The following TTYH3 variants were observed in gnomAD, a reference collection of about 807,000 sequenced individuals.
TTYH3 encodes protein tweety homolog 3.
In TTYH3, 23 loss-of-function variants were observed where a neutral mutation model predicts 68.2. The observed-to-expected ratio is 0.34, with a 90% CI of 0.24 to 0.48. The LOEUF (loss-of-function observed/expected upper bound fraction) is 0.48, where lower values mean the gene tolerates loss of function less well. Ranked by LOEUF, TTYH3 falls within the 20% of genes least tolerant of loss-of-function variation. The pLI, the probability that TTYH3 is intolerant of heterozygous loss-of-function variation, is 0.99. For synonymous variants in TTYH3, 360 were observed against 332.8 expected (o/e 1.08, Z -0.89); for missense variants, 768 against 727.7 (o/e 1.06, Z -0.64).
chr7:2,636,287 G>T (rs1009306908), intron 1 of TTYH3, among the ~76,000 whole-genome samples: 2 of 152,314 alleles, frequency 1.3e-5, no homozygotes, highest in Middle Eastern at 3.4e-3. Context: ...AGTGTTGGTC[G>T]CCTGTCGCCT....
intron 2 of TTYH3, 44 bp downstream of exon 2, chr7:2,647,066 C>A: frequency 2.3e-6 from 2 of 864,734 alleles, no homozygotes; most frequent in Non-Finnish European, 1.7e-6. Context: ...CCAGAGGGGG[C>A]GGCCCGAGGG....
chr7:2,633,103 C>T (rs561385855), intron 1 of TTYH3, among the ~76,000 whole-genome samples: 6 of 152,174 alleles, frequency 3.9e-5, no homozygotes, highest in African/African-American at 7.2e-5. Context: ...CCACCCCCAT[C>T]GCCAAGCTAC....
chr7:2,661,060 T>C (rs916117968), intron 13 of TTYH3, among the ~76,000 whole-genome samples: 2 of 67,260 alleles, frequency 3.0e-5, no homozygotes, highest in African/African-American at 1.3e-4. Context: ...GAGCCCACAG[T>C]TGGGTCCCCC....
At chr7:2,640,321 G>A (rs1330234107) in intron 1 of TTYH3, among the ~76,000 whole-genome samples, 6 of 152,238 alleles carry the variant, frequency 3.9e-5, no homozygotes, top group Non-Finnish European at 8.8e-5. Context: ...GCACAGAGCG[G>A]CGTGTGGGTC....
rs374425804 is a variant in TTYH3 at position 2,648,164 on chromosome 7, G to T, written c.722+110G>T. 5.2e-5 allele frequency: 55 copies of T among 1,062,468 alleles called. No homozygotes were observed. In the African/African-American group the frequency reaches 5.6e-4, roughly 11 times the overall value. The allele number at this position is 1,062,468 out of a possible 1,614,324, so 65.8% of individuals were successfully genotyped here. A position where few individuals can be genotyped will look rare whatever the true frequency, so the allele number is the denominator to read the frequency against. ...TGCAGATCCTAGCCACAAGCTCTGC[G>T]GTGGGGGCTGAGCGGGACCCCCCTG... On this transcript the variant is annotated intron_variant, in intron 5 of 13. Transcript: ENST00000258796.
intron 5 of TTYH3, among the ~76,000 whole-genome samples, chr7:2,648,868 C>T (rs1786075907): frequency 7.1e-6 from 1 of 140,244 alleles, no homozygotes; most frequent in African/African-American, 2.7e-5. Flanking sequence ...TGACAGTGTG[C>T]AGTGGGTTGT....
At position 2,645,525 on chromosome 7, in the gene TTYH3, G is replaced by C. The variant is rs989160437; in HGVS notation, c.124-1328G>C. On this transcript the variant is annotated intron_variant, in intron 1 of 13. Coordinates refer to ENST00000258796, the MANE Select transcript of TTYH3 (RefSeq NM_025250.3). The surrounding 1 kb of genome is among the most constrained non-coding windows in gnomAD (Gnocchi z 4.8). ...AGGGGAGCTCTGGTGTCTGTTCTGT[G>C]GTCTGTCTTTTGTGTTCAGAGACCT... 1 of 278,368 alleles carries C rather than the reference G, an allele frequency of 3.6e-6. No individual in the cohort carries two copies. Among genetic ancestry groups the C allele is most frequent in the African/African-American group, 2.2e-5 (1 of 45,368 alleles). The allele number at this position is 278,368 out of a possible 1,614,324, so 17.2% of individuals were successfully genotyped here. A position where few individuals can be genotyped will look rare whatever the true frequency, so the allele number is the denominator to read the frequency against.
chr7:2,640,184 C>T (rs1297497154), intron 1 of TTYH3, among the ~76,000 whole-genome samples: 3 of 152,036 alleles, frequency 2.0e-5, no homozygotes, highest in Non-Finnish European at 4.4e-5. Context: ...GGATCGTGGC[C>T]ACTGCCTGTG....
At chr7:2,660,819 C>T (rs1043467255) in intron 13 of TTYH3, among the ~76,000 whole-genome samples, 4 of 152,212 alleles carry the variant, frequency 2.6e-5, no homozygotes, top group Admixed American at 6.5e-5. Flanking sequence ...CTCACTGCCG[C>T]CGGCCCCTGA....
At chr7:2,649,496 G>A (rs1786099944) in intron 5 of TTYH3, 71 bp from the exon 6 acceptor site, 4 of 1,466,146 alleles carry the variant, frequency 2.7e-6, no homozygotes, top group East Asian at 4.9e-5. Flanking sequence ...CTGCCTTCTG[G>A]CCTGCAGCCC....
At chr7:2,654,439 A>G (rs578088286) in intron 9 of TTYH3, among the ~76,000 whole-genome samples, 2 of 151,810 alleles carry the variant, frequency 1.3e-5, no homozygotes, top group South Asian at 2.1e-4. Flanking sequence ...TATATAACAT[A>G]TATACACACA....
intron 12 of TTYH3, 120 bp from the exon 13 acceptor site, chr7:2,658,820 C>A: frequency 1.0e-6 from 1 of 958,848 alleles, no homozygotes; most frequent in Non-Finnish European, 1.6e-6. Flanking sequence ...GTTCGTGGGA[C>A]CCCCAGTGAG....
intron 1 of TTYH3, among the ~76,000 whole-genome samples, chr7:2,633,226 T>C (rs1239985287): frequency 1.3e-5 from 2 of 152,178 alleles, no homozygotes; most frequent in Admixed American, 1.3e-4. Flanking sequence ...AGTTTCTCTC[T>C]GGACGGATCA....
chr7:2,656,436 C>T lies in TTYH3; in HGVS notation c.1152C>T (p.Gly384=), dbSNP rs750106931. Residue 384 remains glycine, a synonymous_variant, in exon 11 of 14, where the codon GGC becomes GGT. Transcript: ENST00000258796. The part of the protein sequence containing the change: ...VQALTGFCYD[G]VEGLIYLALF... ...CGCTGACCGGCTTCTGCTATGACGG[C>T]GTGGAGGGCCTCATCTACCTGGCCC... 6.2e-6 allele frequency: 10 copies of T among 1,611,798 alleles called. No homozygotes were observed. The highest frequency in any genetic ancestry group is 2.2e-5 in the East Asian group (1 of 44,846).
chr7:2,658,307 G>A lies in TTYH3; in HGVS notation c.1272G>A (p.Glu424=). The change falls in exon 12 of 14, where the codon GAG becomes GAA. Residue 424 remains glutamate (E), a synonymous_variant. Transcript: ENST00000258796. ...ACAGAGGCCCTGATGAGGACGGGGAGGAGGAGGCCGCTCCAGGGCCGCGGC... is the reference window on the plus strand; with the variant it reads ...ACAGAGGCCCTGATGAGGACGGGGAAGAGGAGGCCGCTCCAGGGCCGCGGC... ...QQKRGPDEDG[E]EEAAPGPRQA... 6.3e-7 allele frequency: 1 copy of A among 1,594,390 alleles called. No individual in the cohort carries two copies. The highest frequency in any genetic ancestry group is 8.5e-7 in the Non-Finnish European group (1 of 1,170,250).
In TTYH3 at chr7:2,647,000, A is replaced by G. The variant is rs373790518; in HGVS notation, c.271A>G (p.Ile91Val). The change falls in exon 2 of 14, where the codon ATC becomes GTC. Residue 91 changes from isoleucine to valine, a missense_variant. By Grantham distance (29) the Ile-to-Val change is conservative. Transcript: ENST00000258796. ...ADCCCTAWCV[I>V]IATLVCSAGI... ...CTGCTGCTGCACGGCCTGGTGTGTC[A>G]TCATCGCCACGCTGGTGTGCAGGTG... 20 of 1,581,880 alleles carry G rather than the reference A, an allele frequency of 1.3e-5. No homozygotes were observed. The highest frequency in any genetic ancestry group is 6.8e-5 in the East Asian group (3 of 43,884).
In TTYH3 at chr7:2,662,091, G is replaced by A. The variant is rs1332950333; in HGVS notation, c.*352G>A. ...TTGCCGCCCGGCCCTTCCCTCCACAGCTCTCCTTCCTCCCGCCCGGCACTT... is the reference window on the plus strand; with the variant it reads ...TTGCCGCCCGGCCCTTCCCTCCACAACTCTCCTTCCTCCCGCCCGGCACTT... On this transcript the variant is annotated 3_prime_UTR_variant, in exon 14 of 14. Transcript: ENST00000258796. 4 of 475,688 alleles carry A rather than the reference G, an allele frequency of 8.4e-6. No individual in the cohort carries two copies. Among genetic ancestry groups the A allele is most frequent in the African/African-American group, 2.0e-5 (1 of 49,754 alleles). 29.5% of individuals were successfully genotyped at this position (475,688 alleles called of 1,614,324 possible). A position where few individuals can be genotyped will look rare whatever the true frequency, so the allele number is the denominator to read the frequency against.
At chr7:2,632,301 G>A in intron 1 of TTYH3, 23 bp downstream of exon 1, 3 of 1,542,292 alleles carry the variant, frequency 1.9e-6, no homozygotes, top group East Asian at 2.4e-5. Context: ...TCTCGGGGTC[G>A]CGGGGTCAGG....
intron 1 of TTYH3, among the ~76,000 whole-genome samples, chr7:2,638,415 A>G (rs969551837): frequency 5.9e-5 from 9 of 151,988 alleles, no homozygotes; most frequent in East Asian, 5.8e-4. Flanking sequence ...GGTGCAGGAA[A>G]GGGGCCCGGC....
Sources: allele counts gnomAD v4.1 joint callset (sites outside exome capture counted in the v4.1 genomes callset), GRCh38; gene constraint gnomAD v4.1.1; non-coding constraint Gnocchi (gnomAD v3.1); transcripts MANE v1.5; gene names NCBI Gene and HGNC (gene_info 2026-07-23, HGNC 2026-07-21).